The following MFSD11 variants were observed in gnomAD, a reference collection of about 807,000 sequenced individuals.
The protein encoded by MFSD11 is major facilitator superfamily domain containing 11.
Under a neutral mutation model 53.5 loss-of-function variants are expected in MFSD11, and 36 were observed. The observed-to-expected ratio is 0.67, with a 90% CI of 0.52 to 0.89. The LOEUF is 0.89. Among genes scored for constraint, MFSD11 ranks in the 40% least tolerant of loss-of-function variants. The pLI, the probability that MFSD11 is intolerant of heterozygous loss-of-function variation, is 0.00. For synonymous variants in MFSD11, 186 were observed against 184.9 expected (o/e 1.01, Z -0.05); for missense variants, 530 against 543.9 (o/e 0.97, Z 0.25).
At chr17:76,799,027 CAAA>C in the MFSD11 span, 103 of 99,078 alleles carry the variant, frequency 1.0e-3, no homozygotes, top group Middle Eastern at 9.8e-3. Flanking sequence ...AACTCCATCT[CAAA>C]AAAAAAAAAA....
chr17:76,747,744 G>T (rs1274302439), intron 7 of MFSD11, among the ~76,000 whole-genome samples: 1 of 152,192 alleles, frequency 6.6e-6, no homozygotes, highest in African/African-American at 2.4e-5. Context: ...CACATGTTTG[G>T]TGTTGGTCCT....
At chr17:76,787,944 A>T in the MFSD11 span, among the ~76,000 whole-genome samples, 3 of 150,050 alleles carry the variant, frequency 2.0e-5, no homozygotes, top group Admixed American at 1.3e-4. Flanking sequence ...CACATGACAG[A>T]TAGGAGACCT....
chr17:76,787,295 C>G, the MFSD11 span, among the ~76,000 whole-genome samples: 1 of 150,672 alleles, frequency 6.6e-6, no homozygotes, highest in Non-Finnish European at 1.5e-5. Flanking sequence ...GCCACCACGC[C>G]CAGCTAATTT....
intron 8 of MFSD11, among the ~76,000 whole-genome samples, chr17:76,755,710 G>GTGTATATATATGTGTATA (rs2079492893): frequency 1.4e-5 from 2 of 138,840 alleles, no homozygotes; most frequent in African/African-American, 2.6e-5. Flanking sequence ...ATATATATAT[G>GTGTATATATATGTGTATA]TGTATATATA....
chr17:76,737,323 G>A (rs933213767), upstream of MFSD11: 4 of 920,208 alleles, frequency 4.3e-6, no homozygotes, highest in African/African-American at 3.3e-5. Context: ...GCGCACCTGA[G>A]TAACAACTGG....
chr17:76,757,782 A>G (rs662092), intron 8 of MFSD11, among the ~76,000 whole-genome samples: 151,024 of 152,256 alleles, frequency 0.99, 74,908 homozygotes, highest in East Asian at 1. Context: ...AGGTCAAGGC[A>G]GGTGGATCAC....
chr17:76,737,920 C>T (rs237055), upstream of MFSD11: 175,858 of 191,656 alleles, frequency 0.92, 82,495 homozygotes, highest in Non-Finnish European at 1. Context: ...GCGTGCCAGG[C>T]CACCCGGGAC....
At chr17:76,781,764 C>T (rs372943431), downstream of MFSD11, among the ~76,000 whole-genome samples, 1 of 152,124 alleles carries the variant, frequency 6.6e-6, no homozygotes, top group East Asian at 1.9e-4. Context: ...GGCAGGAACC[C>T]AGCTTTTCCT....
chr17:76,802,835 C>T, the MFSD11 span, among the ~76,000 whole-genome samples: 1 of 152,074 alleles, frequency 6.6e-6, no homozygotes. Context: ...CAGCACCTAC[C>T]CCCATTACAC....
rs763769009 is a variant in MFSD11 at position 76,741,037 on chromosome 17, CTA to C, written c.235_236del (p.Met79ValfsTer50). The stretch of plus-strand genomic sequence containing the variant: ...GTTGCCATTGTAGGACCTCAACTCT[CTA>C]TGTTTGCCAGTGGTTTATTTTACAG... On this transcript the variant is annotated frameshift_variant, in exon 3 of 13. Coordinates refer to ENST00000685175, the MANE Select transcript of MFSD11 (RefSeq NM_001242532.5). LOFTEE classifies it high-confidence loss of function. The C allele has an allele frequency of 4.3e-6, 7 of 1,610,312 alleles. No homozygotes were observed. The Admixed American group carries it at 8.3e-5, about 19-fold the overall frequency.
chr17:76,753,268 C>G (rs2079226433), intron 7 of MFSD11, among the ~76,000 whole-genome samples: 2 of 152,082 alleles, frequency 1.3e-5, no homozygotes, highest in South Asian at 4.1e-4. Context: ...GTAACCACCT[C>G]AGGATGCAGA....
At chr17:76,746,186 G>A (rs1053207886) in intron 7 of MFSD11, among the ~76,000 whole-genome samples, 2 of 152,194 alleles carry the variant, frequency 1.3e-5, no homozygotes, top group African/African-American at 4.8e-5. Context: ...CTGGATAGAA[G>A]ATCAACCCAG....
At chr17:76,795,580 C>T in the MFSD11 span, among the ~76,000 whole-genome samples, 1 of 152,050 alleles carries the variant, frequency 6.6e-6, no homozygotes, top group Non-Finnish European at 1.5e-5. Context: ...TGAGCATCTG[C>T]AGGTTTTGGT....
the MFSD11 span, among the ~76,000 whole-genome samples, chr17:76,787,882 C>T: frequency 6.7e-6 from 1 of 150,172 alleles, no homozygotes; most frequent in African/African-American, 2.4e-5. Context: ...ACTGACAGAA[C>T]AGACTCTGTA....
downstream of MFSD11, among the ~76,000 whole-genome samples, chr17:76,784,436 G>T (rs905089418): frequency 6.6e-6 from 1 of 152,150 alleles, no homozygotes; most frequent in Non-Finnish European, 1.5e-5. Flanking sequence ...GGGAGGCTGA[G>T]GCAGGAGAAT....
At chr17:76,757,535 G>A (rs1350538805) in intron 8 of MFSD11, among the ~76,000 whole-genome samples, 1 of 152,176 alleles carries the variant, frequency 6.6e-6, no homozygotes, top group Non-Finnish European at 1.5e-5. Context: ...TTGGGGCTGT[G>A]ATGAATGTTG....
chr17:76,773,833 C>T (rs1376083835), intron 10 of MFSD11, among the ~76,000 whole-genome samples: 1 of 152,164 alleles, frequency 6.6e-6, no homozygotes, highest in Non-Finnish European at 1.5e-5. Context: ...GTCTTGATCT[C>T]TTGACCTCGT....
upstream of MFSD11, chr17:76,736,873 C>CG (rs754601892): frequency 6.2e-7 from 1 of 1,610,864 alleles, no homozygotes. Flanking sequence ...GGTGTGAGTC[C>CG]GGGGGGCGGC....
rs980010430 is a variant in MFSD11 at position 76,744,372 on chromosome 17, G to A, written c.547G>A (p.Gly183Arg). The A allele has an allele frequency of 6.2e-7, 1 of 1,614,066 alleles. No homozygotes were observed. Among genetic ancestry groups the A allele is most frequent in the Non-Finnish European group, 8.5e-7 (1 of 1,179,974 alleles). Residue 183 changes from glycine (G) to arginine (R), a missense_variant, in exon 7 of 13, where the codon GGG becomes AGG. Transcript: ENST00000685175. The stretch of plus-strand genomic sequence containing the variant: ...TGCCCTAACGGTGATTAGCCTTGTG[G>A]GGACAGTTCTATTCTTTCTCATTCG... The part of the protein sequence containing the change: ...FIALTVISLV[G>R]TVLFFLIRKP...
Sources: allele counts gnomAD v4.1 joint callset (sites outside exome capture counted in the v4.1 genomes callset), GRCh38; gene constraint gnomAD v4.1.1; transcripts MANE v1.5; gene names NCBI Gene and HGNC (gene_info 2026-07-23, HGNC 2026-07-21).